The following NBEAL2 variants were observed in gnomAD, a reference collection of about 807,000 sequenced individuals.
NBEAL2 encodes the protein neurobeachin like 2.
Under a neutral mutation model 299.8 loss-of-function variants are expected in NBEAL2, and 160 were observed. That is an observed-to-expected ratio of 0.53 (90% confidence interval 0.47 to 0.61). The LOEUF is 0.61. Ranked by LOEUF, NBEAL2 falls within the 20% of genes least tolerant of loss-of-function variation. The pLI, the probability that NBEAL2 is intolerant of heterozygous loss-of-function variation, is 0.00. For synonymous variants in NBEAL2, 1,493 were observed against 1,542.3 expected, an observed-to-expected ratio of 0.97 and a Z score of 0.75; for missense variants, 3,112 against 3,649.0, an observed-to-expected ratio of 0.85 and a Z score of 3.79.
At position 46,989,437 on chromosome 3, in the gene NBEAL2, C is replaced by A. The variant is rs1028410833; in HGVS notation, c.473+56C>A. 1 of 1,563,868 alleles carries A rather than the reference C, an allele frequency of 6.4e-7. No homozygotes were observed. The highest frequency in any genetic ancestry group is 1.2e-5 in the South Asian group (1 of 85,078). On this transcript the variant is annotated intron_variant, in intron 5 of 53. Transcript: ENST00000450053. This position sits in a 1 kb window ranked among gnomAD's most constrained non-coding sequence, Gnocchi z 5.5. ...GAGGAGGGTGGGGAGAGGATGGCCGCGCTGGGCCCAAGGAGGGGTGACGGC... is the reference window on the plus strand; with the variant it reads ...GAGGAGGGTGGGGAGAGGATGGCCGAGCTGGGCCCAAGGAGGGGTGACGGC...
Position 47,003,122 on chromosome 3 carries a change from TC to T in NBEAL2, c.5584+44del, listed in dbSNP as rs751504015. 3 of 1,610,488 alleles carry T rather than the reference TC, an allele frequency of 1.9e-6. No homozygotes were observed. The highest frequency in any genetic ancestry group is 4.5e-5 in the East Asian group (2 of 44,790). On this transcript the variant is annotated intron_variant, in intron 34 of 53. Coordinates refer to ENST00000450053, the MANE Select transcript of NBEAL2 (RefSeq NM_015175.3). The surrounding 1 kb of genome is among the most constrained non-coding windows in gnomAD (Gnocchi z 7.0). ...GAGATGGGTCCACCCAACTCGATTG[TC>T]CCGTCTCCTGTCCTGCCTTGCTTCT... is the stretch of plus-strand genomic sequence containing the variant.
intron 9 of NBEAL2, 127 bp downstream of exon 9, chr3:46,992,073 G>T: frequency 1.2e-6 from 1 of 864,904 alleles, no homozygotes. Flanking sequence ...CTGGTGGGAT[G>T]GCTTGCAGTT....
In NBEAL2 at chr3:46,981,750, G is replaced by A. The variant is rs1575577233; in HGVS notation, c.51+1838G>A. Among the ~76,000 whole-genome samples, 4 of 152,282 alleles carry A rather than the reference G, an allele frequency of 2.6e-5. No homozygotes were observed. In the South Asian group the frequency reaches 8.3e-4, roughly 32 times the overall value. On this transcript the variant is annotated intron_variant, in intron 1 of 53. Coordinates refer to ENST00000450053, the MANE Select transcript of NBEAL2 (RefSeq NM_015175.3). The stretch of plus-strand genomic sequence containing the variant: ...GTGAGTGTGAGGGATGTTAATGATA[G>A]GTCTTCAGCCTGGGTGGCAGGCTGC...
chr3:46,998,539 C>G lies in NBEAL2; in HGVS notation c.3195C>G (p.Ile1065Met). ...GGAAGAAGTACGGCGTCCAGTTTAT[C>G]TTGGATGCTCTGCGCACCCACTACA... Reference protein sequence around the residue: ...KLRKKYGVQFILDALRTHYSP... With the variant: ...KLRKKYGVQFMLDALRTHYSP... The change falls in exon 22 of 54, where the codon ATC becomes ATG. Residue 1065 changes from isoleucine (I) to methionine (M), a missense_variant. Physicochemically the swap from Ile to Met is conservative, Grantham distance 10. Transcript: ENST00000450053. The G allele has an allele frequency of 1.2e-6, 2 of 1,612,194 alleles. No homozygotes were observed. Among genetic ancestry groups the G allele is most frequent in the Non-Finnish European group, 1.7e-6 (2 of 1,179,234 alleles).
Position 46,988,870 on chromosome 3 carries a change from C to T in NBEAL2, c.169C>T (p.Leu57=). The change falls in exon 3 of 54, where the codon CTG becomes TTG. Residue 57 remains leucine, a synonymous_variant. Transcript: ENST00000450053. The surrounding 1 kb of genome is among the most constrained non-coding windows in gnomAD (Gnocchi z 4.4). ...AGAGGAGGCAGGTGCAGAGGTCCCG[C>T]TGCTACCACTGGATGAGCTGCATGT... ...RPEEAGAEVP[L]LPLDELHVLA... 6.2e-7 allele frequency: 1 copy of T among 1,610,980 alleles called. No individual in the cohort carries two copies. Among genetic ancestry groups the T allele is most frequent in the Non-Finnish European group, 8.5e-7 (1 of 1,177,884 alleles).
Position 46,995,442 on chromosome 3 carries a change from C to T in NBEAL2, c.1707C>T (p.Ala569=). 2 of 1,612,868 alleles carry T rather than the reference C, an allele frequency of 1.2e-6. No individual in the cohort carries two copies. The highest frequency in any genetic ancestry group is 1.7e-6 in the Non-Finnish European group (2 of 1,179,890). ...TCATCCGCACATTATCAGGCATGGC[C>T]AGGCACCAGGGTCCTGCACGTGCTC... ...GAVIRTLSGM[A]RHQGPARALR... The change falls in exon 13 of 54, where the codon GCC becomes GCT. Residue 569 remains alanine (A), a synonymous_variant. Coordinates refer to ENST00000450053, the MANE Select transcript of NBEAL2 (RefSeq NM_015175.3).
Position 46,982,863 on chromosome 3 carries a change from C to T in NBEAL2, c.51+2951C>T, listed in dbSNP as rs1575578956. ...AGAGGACTCAGAGCCCACCAGAGCTCCCCCAGGGTAGGCATAGGAAGGGCA... is the reference window on the plus strand; with the variant it reads ...AGAGGACTCAGAGCCCACCAGAGCTTCCCCAGGGTAGGCATAGGAAGGGCA... On this transcript the variant is annotated intron_variant, in intron 1 of 53. Transcript: ENST00000450053. This position sits in a 1 kb window ranked among gnomAD's most constrained non-coding sequence, Gnocchi z 4.2. Among the ~76,000 whole-genome samples the T allele has an allele frequency of 6.6e-6, 1 of 152,076 alleles. No individual in the cohort carries two copies. Among genetic ancestry groups the T allele is most frequent in the African/African-American group, 2.4e-5 (1 of 41,398 alleles).
rs2037304165 is a variant in NBEAL2, at chr3:47,004,843, C to T, written c.6295-129C>T. On this transcript the variant is annotated intron_variant, in intron 38 of 53. Coordinates refer to ENST00000450053, the MANE Select transcript of NBEAL2 (RefSeq NM_015175.3). This position sits in a 1 kb window ranked among gnomAD's most constrained non-coding sequence, Gnocchi z 5.0. ...ACACTCTGTCCTTCTCCCCTGTGACCCCTCTAAGTGGTGCTCCCCCAACCT... is the reference window on the plus strand; with the variant it reads ...ACACTCTGTCCTTCTCCCCTGTGACTCCTCTAAGTGGTGCTCCCCCAACCT... 7.3e-7 allele frequency: 1 copy of T among 1,364,242 alleles called. No individual in the cohort carries two copies. Among genetic ancestry groups the T allele is most frequent in the Admixed American group, 2.1e-5 (1 of 47,536 alleles). The allele number at this position is 1,364,242 out of a possible 1,614,324, so 84.5% of individuals were successfully genotyped here.
At position 46,982,628 on chromosome 3, in the gene NBEAL2, G is replaced by A. The variant is rs2035422599; in HGVS notation, c.51+2716G>A. Among the ~76,000 whole-genome samples, 1 of 152,220 alleles carries A rather than the reference G, an allele frequency of 6.6e-6. No homozygotes were observed. The highest frequency in any genetic ancestry group is 1.5e-5 in the Non-Finnish European group (1 of 68,040). Reference sequence around the variant, plus strand: ...TTGTCAGACCTCACATGCAGTAGGTGCTCCTTGGGTATTAGCTGAATGACT... The same window carrying A: ...TTGTCAGACCTCACATGCAGTAGGTACTCCTTGGGTATTAGCTGAATGACT... On this transcript the variant is annotated intron_variant, in intron 1 of 53. Coordinates refer to ENST00000450053, the MANE Select transcript of NBEAL2 (RefSeq NM_015175.3). This position sits in a 1 kb window ranked among gnomAD's most constrained non-coding sequence, Gnocchi z 4.2.
rs777831964 is a variant in NBEAL2 at position 46,993,965 on chromosome 3, C to T, written c.1142C>T (p.Ala381Val). 2.5e-6 allele frequency: 4 copies of T among 1,611,656 alleles called. No individual in the cohort carries two copies. The highest frequency in any genetic ancestry group is 3.4e-6 in the Non-Finnish European group (4 of 1,179,204). Residue 381 changes from alanine (A) to valine (V), a missense_variant, in exon 11 of 54, where the codon GCA becomes GTA. Physicochemically the swap from Ala to Val is moderately conservative, Grantham distance 64. Transcript: ENST00000450053. ...CTGGACCAAGACACAGACGCCATTG[C>T]AGTCCATGTAGTCAGAGTGCTGACC... The part of the protein sequence containing the change: ...KVLDQDTDAI[A>V]VHVVRVLTCI...
rs368555222 is a variant in NBEAL2, at chr3:47,008,410, A to C, written c.7847A>C (p.Gln2616Pro). The change falls in exon 51 of 54, where the codon CAG becomes CCG. Residue 2616 changes from glutamine to proline, a missense_variant. Physicochemically the swap from Gln to Pro is moderately conservative, Grantham distance 76. Coordinates refer to ENST00000450053, the MANE Select transcript of NBEAL2 (RefSeq NM_015175.3). ...ALGSEGQIVV[Q>P]SSAWERPGAQ... is the part of the protein sequence containing the mutation. ...GGGTCCGAAGGCCAGATTGTGGTAC[A>C]GAGCTCAGCGTGGGAACGTCCTGGG... is the stretch of plus-strand genomic sequence containing the variant. 6 of 1,613,812 alleles carry C rather than the reference A, an allele frequency of 3.7e-6. No homozygotes were observed. The highest frequency in any genetic ancestry group is 5.1e-6 in the Non-Finnish European group (6 of 1,179,860).
rs531904323 is a variant in NBEAL2, at chr3:47,001,254, CTTGAG to C, written c.4485-22_4485-18del. 3.2e-4 allele frequency: 518 copies of C among 1,602,006 alleles called. 3 individuals carry two copies. Among genetic ancestry groups the C allele is most frequent in the South Asian group, 2.9e-3 (264 of 90,706 alleles). The stretch of plus-strand genomic sequence containing the variant: ...AGGAGAGAAGATAGTCAGGTAGACC[CTTGAG>C]TTCCCCACTCACCCGCCAGCCTCCT... On this transcript the variant is annotated intron_variant, in intron 28 of 53. Transcript: ENST00000450053. The surrounding 1 kb of genome is among the most constrained non-coding windows in gnomAD (Gnocchi z 6.1).
chr3:46,994,388 C>T, intron 11 of NBEAL2, 67 bp from the exon 12 acceptor site: 1 of 1,422,812 alleles, frequency 7.0e-7, no homozygotes, highest in Non-Finnish European at 9.7e-7. Flanking sequence ...CCAGAGTTTC[C>T]AGGGGGTCTG....
At chr3:46,985,199 G>T (rs966279458) in intron 1 of NBEAL2, among the ~76,000 whole-genome samples, 2 of 152,194 alleles carry the variant, frequency 1.3e-5, no homozygotes, top group Non-Finnish European at 2.9e-5. Context: ...AGCGGGTTTG[G>T]GGTATGGAGG....
Position 46,991,238 on chromosome 3 carries a change from C to A in NBEAL2, c.576C>A (p.Asp192Glu). The change falls in exon 7 of 54, where the codon GAC becomes GAA. Residue 192 changes from aspartate (D) to glutamate (E), a missense_variant. Around this residue, in one of 3 missense-constraint regions of NBEAL2, gnomAD observed 2,243 missense variants for 2,538.1 expected, o/e 0.88. Transcript: ENST00000450053. The surrounding 1 kb of genome is among the most constrained non-coding windows in gnomAD (Gnocchi z 6.2). ...AFFQESLQNADHLPPILLLRL... is the reference protein window; with the variant it reads ...AFFQESLQNAEHLPPILLLRL... The stretch of plus-strand genomic sequence containing the variant: ...ACCCAGAGAGCCTACAGAATGCAGA[C>A]CACTTGCCTCCCATACTGCTGTTAC... 1 of 1,607,796 alleles carries A rather than the reference C, an allele frequency of 6.2e-7. No homozygotes were observed. Among genetic ancestry groups the A allele is most frequent in the East Asian group, 2.2e-5 (1 of 44,586 alleles).
In NBEAL2 at chr3:47,004,028, G is replaced by A. The variant is rs1338342294; in HGVS notation, c.5882-49G>A. The A allele has an allele frequency of 1.9e-5, 31 of 1,606,200 alleles. No homozygotes were observed. The highest frequency in any genetic ancestry group is 2.6e-5 in the Non-Finnish European group (30 of 1,174,474). On this transcript the variant is annotated intron_variant, in intron 36 of 53. Coordinates refer to ENST00000450053, the MANE Select transcript of NBEAL2 (RefSeq NM_015175.3). This position sits in a 1 kb window ranked among gnomAD's most constrained non-coding sequence, Gnocchi z 5.0. ...GGATGGCAGGGAATGGCTGAGCTCT[G>A]GGTGGGGCTGGGGTGAGTGACTCCC...
intron 22 of NBEAL2, 54 bp from the exon 23 acceptor site, chr3:46,998,663 C>G: frequency 6.4e-7 from 1 of 1,553,834 alleles, no homozygotes; most frequent in Non-Finnish European, 8.7e-7. Flanking sequence ...CCTGCCCACC[C>G]TCTCTCCCCG....
chr3:46,981,555 CT>C (rs2107241520), intron 1 of NBEAL2, among the ~76,000 whole-genome samples: 1 of 152,324 alleles, frequency 6.6e-6, no homozygotes, highest in African/African-American at 2.4e-5. Context: ...TCCTGTTTTC[CT>C]GGCCCCATTG....
chr3:47,005,652 G>A (rs1373565037), intron 41 of NBEAL2, 33 bp downstream of exon 41: 1 of 1,612,630 alleles, frequency 6.2e-7, no homozygotes, highest in African/African-American at 1.3e-5. Flanking sequence ...GGAGCGGGCA[G>A]GTGTAGGGAT....
Sources: gnomAD v4.1 joint callset for allele counts (sites outside exome capture counted in the v4.1 genomes callset) on GRCh38, gnomAD v4.1.1 for gene constraint, gnomAD v4.1.1 regional missense constraint, Gnocchi (gnomAD v3.1) non-coding constraint, MANE v1.5 for transcripts, NCBI Gene and HGNC (gene_info 2026-07-23, HGNC 2026-07-21) for gene names.